Variants in TDRD12 observed in about 807,000 individuals in gnomAD.
TDRD12 encodes the protein tudor domain containing 12.
Under a neutral mutation model 133.5 loss-of-function variants are expected in TDRD12, and 158 were observed. That is an observed-to-expected ratio of 1.18 (90% CI 1.04 to 1.35). The LOEUF (loss-of-function observed/expected upper bound fraction) is 1.35. Ranked by LOEUF, TDRD12 falls within the 40% of genes most tolerant of loss-of-function variation. The probability of loss-of-function intolerance (pLI) is 0.00; values close to 1 mark genes in which losing one functional copy is unlikely to be tolerated. For synonymous variants in TDRD12, 460 were observed against 477.9 expected (o/e 0.96, Z 0.49); for missense variants, 1,443 against 1,321.3 (o/e 1.09, Z -1.43).
At position 32,802,920 on chromosome 19, in the gene TDRD12, A is replaced by G. The variant is rs1468800298; in HGVS notation, c.2332-2A>G. The G allele has an allele frequency of 1.3e-6, 2 of 1,533,028 alleles. No homozygotes were observed. Among genetic ancestry groups the G allele is most frequent in the East Asian group, 4.9e-5 (2 of 40,874 alleles). The allele number at this position is 1,533,028 out of a possible 1,614,324, so 95.0% of individuals were successfully genotyped here. ...CTTCCTTTATTCACCCCCAATTTTC[A>G]GGGTTCTCCTGCAGAACAGGGAGAT... On this transcript the variant is annotated splice_acceptor_variant, in intron 20 of 27. Coordinates refer to ENST00000444215, the Ensembl canonical transcript of TDRD12. LOFTEE classifies it high-confidence loss of function.
chr19:32,723,118 C>T (rs886346447), intron 1 of TDRD12, among the ~76,000 whole-genome samples: 1 of 152,192 alleles, frequency 6.6e-6, no homozygotes, highest in African/African-American at 2.4e-5. Context: ...GTTCCAACAT[C>T]ATTTGTTGAA....
chr19:32,793,169 A>C (rs1318527550), intron 13 of TDRD12, among the ~76,000 whole-genome samples: 1 of 146,778 alleles, frequency 6.8e-6, no homozygotes. Context: ...CTGGGCACAG[A>C]ACGAGACTCT....
At chr19:32,807,732 A>T in intron 22 of TDRD12, 84 bp downstream of exon 22, 3 of 992,088 alleles carry the variant, frequency 3.0e-6, no homozygotes, top group Non-Finnish European at 4.4e-6. Context: ...GGATCTTAGT[A>T]GATGTCATGG....
At chr19:32,756,319 C>CAGCAAGCATCTG in intron 7 of TDRD12, 138 bp downstream of exon 7, 1 of 729,420 alleles carries the variant, frequency 1.4e-6, no homozygotes. Flanking sequence ...CCTGATGAGG[C>CAGCAAGCATCTG]TGTGACACAT....
chr19:32,739,955 G>A (rs1969361649), intron 3 of TDRD12, among the ~76,000 whole-genome samples: 1 of 137,154 alleles, frequency 7.3e-6, no homozygotes, highest in African/African-American at 2.8e-5. Flanking sequence ...GCATCTCCTA[G>A]GTACTCTATG....
chr19:32,746,672 G>A (rs1297237424), intron 4 of TDRD12, among the ~76,000 whole-genome samples: 3 of 149,386 alleles, frequency 2.0e-5, no homozygotes. Context: ...GGGGGAGAGA[G>A]ACTGGCTGAT....
intron 11 of TDRD12, among the ~76,000 whole-genome samples, chr19:32,787,158 G>A (rs747464474): frequency 9.9e-5 from 15 of 152,096 alleles, no homozygotes; most frequent in African/African-American, 3.6e-4. Context: ...TTTCTGTTTG[G>A]TAGTTTTCCT....
At chr19:32,784,183 A>G (rs1421791429) in intron 11 of TDRD12, among the ~76,000 whole-genome samples, 1 of 152,102 alleles carries the variant, frequency 6.6e-6, no homozygotes, top group Admixed American at 6.6e-5. Context: ...TAGTTTATTG[A>G]GAGTTTTTAG....
In TDRD12 at chr19:32,756,192, T is replaced by C; in HGVS notation, c.772+11T>C. Reference sequence around the variant, plus strand: ...TTCAAGGAATGGAAGGTGAGTAGATTCTCATCATATCAATTTCCCTTACAT... The same window carrying C: ...TTCAAGGAATGGAAGGTGAGTAGATCCTCATCATATCAATTTCCCTTACAT... On this transcript the variant is annotated intron_variant, in intron 7 of 27. Coordinates refer to ENST00000444215, the Ensembl canonical transcript of TDRD12. 1 of 1,401,900 alleles carries C rather than the reference T, an allele frequency of 7.1e-7. No homozygotes were observed. Among genetic ancestry groups the C allele is most frequent in the Non-Finnish European group, 9.3e-7 (1 of 1,080,330 alleles). The allele number at this position is 1,401,900 out of a possible 1,614,324, so 86.8% of individuals were successfully genotyped here. A position where few individuals can be genotyped will look rare whatever the true frequency, so the allele number is the denominator to read the frequency against.
chr19:32,732,360 CG>C (rs1809811479), intron 2 of TDRD12, among the ~76,000 whole-genome samples: 1 of 152,078 alleles, frequency 6.6e-6, no homozygotes, highest in Admixed American at 6.6e-5. Flanking sequence ...AGGGGGTGGC[CG>C]CCATGTAAGG....
At chr19:32,749,946 A>G in intron 6 of TDRD12, 77 bp downstream of exon 6, 1 of 1,073,986 alleles carries the variant, frequency 9.3e-7, no homozygotes, top group Non-Finnish European at 1.3e-6. Flanking sequence ...AAATGCCAAG[A>G]AAAACACTGT....
At chr19:32,768,904 T>C (rs1970369101) in intron 8 of TDRD12, among the ~76,000 whole-genome samples, 1 of 152,110 alleles carries the variant, frequency 6.6e-6, no homozygotes, top group Non-Finnish European at 1.5e-5. Context: ...TATAATAAGC[T>C]TTGAGAGTTT....
chr19:32,827,381 T>TTTTC, exon 10 of TDRD12: 2 of 410,794 alleles, frequency 4.9e-6, no homozygotes. Flanking sequence ...TCTTTTTTTT[T>TTTTC]TTTTTTTTTT....
At chr19:32,811,106 G>T in intron 23 of TDRD12, 104 bp from the exon 24 acceptor site, 1 of 873,398 alleles carries the variant, frequency 1.1e-6, no homozygotes. Context: ...TAAAATCATG[G>T]CGTTTTGGAG....
chr19:32,822,643 A>G (rs1048008156), downstream of TDRD12, among the ~76,000 whole-genome samples: 2 of 151,590 alleles, frequency 1.3e-5, no homozygotes, highest in African/African-American at 4.9e-5. Context: ...GCTACTCGGG[A>G]GGCTGAGGCA....
intron 18 of TDRD12, 95 bp from the exon 19 acceptor site, chr19:32,801,661 A>G: frequency 2.4e-6 from 1 of 418,628 alleles, no homozygotes; most frequent in Non-Finnish European, 4.2e-6. Context: ...CTCACAGATA[A>G]ATTAAAGTGC....
chr19:32,721,468 C>T lies in TDRD12; in HGVS notation c.24+1372C>T, dbSNP rs544420624. Reference sequence around the variant, plus strand: ...TGGTGTGACCTCAGCTCACTGCAACCTCCGCTTCCCGGGTTCAAGTGATTC... The same window carrying T: ...TGGTGTGACCTCAGCTCACTGCAACTTCCGCTTCCCGGGTTCAAGTGATTC... On this transcript the variant is annotated intron_variant, in intron 1 of 27. Transcript: ENST00000444215. 4.1e-4 allele frequency among the ~76,000 whole-genome samples: 63 copies of T among 152,108 alleles called. 2 individuals are homozygous for T. The East Asian group carries it at 9.7e-3, about 23-fold the overall frequency.
At chr19:32,806,876 G>C (rs945665987) in intron 21 of TDRD12, among the ~76,000 whole-genome samples, 2 of 151,910 alleles carry the variant, frequency 1.3e-5, no homozygotes, top group African/African-American at 4.8e-5. Flanking sequence ...TGGCCAGGCT[G>C]GTCTCGAGCT....
At chr19:32,798,278 G>A in intron 15 of TDRD12, 30 bp from the exon 16 acceptor site, 2 of 1,515,352 alleles carry the variant, frequency 1.3e-6, no homozygotes, top group Non-Finnish European at 1.8e-6. Flanking sequence ...GTGGAAAATT[G>A]AAAATGTTCA....
Sources: allele counts gnomAD v4.1 joint callset (sites outside exome capture counted in the v4.1 genomes callset), GRCh38; gene constraint gnomAD v4.1.1; transcripts MANE v1.5; gene names NCBI Gene and HGNC (gene_info 2026-07-23, HGNC 2026-07-21).